The following TG variants were observed in gnomAD, a reference collection of about 807,000 sequenced individuals.
TG encodes thyroid hormones.
TG carries 270 observed loss-of-function variants against 324.7 expected under a neutral mutation model. That is an observed-to-expected ratio of 0.83 (90% CI 0.75 to 0.92). The LOEUF (loss-of-function observed/expected upper bound fraction) is 0.92. Among genes scored for constraint, TG ranks in the 40% least tolerant of loss-of-function variants. The pLI is 0.00. For missense variants in TG, 3,591 were observed against 3,456.4 expected, an observed-to-expected ratio of 1.04 and a Z score of -0.98; for synonymous variants, 1,401 against 1,327.0, an observed-to-expected ratio of 1.06 and a Z score of -1.21.
intron 35 of TG, among the ~76,000 whole-genome samples, chr8:132,989,699 G>T (rs767692507): frequency 6.6e-6 from 1 of 152,186 alleles, no homozygotes; most frequent in Admixed American, 6.5e-5. Flanking sequence ...GCCTTTGCCT[G>T]TGCCCGTGGG....
At chr8:133,024,723 C>T (rs1298273844) in intron 40 of TG, among the ~76,000 whole-genome samples, 5 of 152,118 alleles carry the variant, frequency 3.3e-5, no homozygotes, top group African/African-American at 1.2e-4. Flanking sequence ...ATCTATGTCC[C>T]TGCAAAGGAC....
intron 6 of TG, 92 bp downstream of exon 6, chr8:132,882,061 A>G: frequency 1.1e-6 from 1 of 931,560 alleles, no homozygotes; most frequent in Non-Finnish European, 1.7e-6. Context: ...GCACAGCTAG[A>G]GTGACTGCCT....
At chr8:133,093,945 C>T (rs932899152) in intron 41 of TG, among the ~76,000 whole-genome samples, 2 of 152,302 alleles carry the variant, frequency 1.3e-5, no homozygotes, top group African/African-American at 4.8e-5. Context: ...CCTCAATCCA[C>T]AGTGGTTGCT....
intron 35 of TG, chr8:133,003,063 T>C: frequency 9.4e-7 from 1 of 1,065,514 alleles, no homozygotes; most frequent in South Asian, 3.3e-5. Context: ...CTCTTTCCCT[T>C]TGTGTTTGTC....
intron 45 of TG, among the ~76,000 whole-genome samples, chr8:133,124,301 C>T (rs1206076314): frequency 3.3e-5 from 5 of 152,102 alleles, no homozygotes; most frequent in South Asian, 2.1e-4. Context: ...TCCTACATCC[C>T]GATGGTGTGG....
At chr8:133,132,943 G>A (rs1398271977) in intron 46 of TG, among the ~76,000 whole-genome samples, 5 of 152,208 alleles carry the variant, frequency 3.3e-5, no homozygotes, top group Admixed American at 1.3e-4. Context: ...TCTGGGAAAC[G>A]TCAGGTGGCT....
chr8:132,881,578 G>A (rs1030330085), intron 5 of TG, among the ~76,000 whole-genome samples: 2 of 152,144 alleles, frequency 1.3e-5, no homozygotes, highest in African/African-American at 4.8e-5. Flanking sequence ...TGAGACAAAC[G>A]CATGGGCATA....
chr8:132,923,369 C>G lies in TG; in HGVS notation c.4560C>G (p.Gly1520=). 1 of 1,614,034 alleles carries G rather than the reference C, an allele frequency of 6.2e-7. No homozygotes were observed. The highest frequency in any genetic ancestry group is 1.7e-4 in the Middle Eastern group (1 of 6,058). ...CVTDCQRNEA[G]LQCDQNGQYR... is the part of the protein sequence containing the mutation. ...CTGACTGTCAGAGGAACGAAGCAGG[C>G]CTGCAATGTGACCAGAATGGCCAGT... The change falls in exon 22 of 48, where the codon GGC becomes GGG. Residue 1520 remains glycine, a synonymous_variant. Transcript: ENST00000220616.
In TG at chr8:132,887,138, A is replaced by C; in HGVS notation, c.1766A>C (p.Glu589Ala). The C allele has an allele frequency of 1.2e-6, 2 of 1,614,224 alleles. No homozygotes were observed. The highest frequency in any genetic ancestry group is 1.7e-6 in the Non-Finnish European group (2 of 1,180,038). The change falls in exon 9 of 48, where the codon GAA becomes GCA. Residue 589 changes from glutamate (E) to alanine (A), a missense_variant. By Grantham distance (107) the Glu-to-Ala change is moderately radical (BLOSUM62 -1). Transcript: ENST00000220616. ...TTGCAACATGCTATCTCTGTGCCAG[A>C]AGATGTGGCAAGAGATTTAGGTGAT... ...LFLQHAISVP[E>A]DVARDLGDVM...
intron 20 of TG, among the ~76,000 whole-genome samples, chr8:132,918,697 C>G (rs776792844): frequency 3.9e-5 from 6 of 152,204 alleles, no homozygotes; most frequent in Non-Finnish European, 8.8e-5. Flanking sequence ...CCTCTGACAC[C>G]TCACTGCTTG....
At chr8:133,050,600 T>C (rs1840219697) in intron 41 of TG, 1 of 487,110 alleles carries the variant, frequency 2.1e-6, no homozygotes, top group East Asian at 3.4e-5. Flanking sequence ...TTAAGGAATT[T>C]AAATTTGATC....
At chr8:133,036,918 T>C (rs1837214047) in intron 41 of TG, 1 of 152,428 alleles carries the variant, frequency 6.6e-6, no homozygotes, top group Non-Finnish European at 1.5e-5. Flanking sequence ...CCCTGCCTTA[T>C]GCGGGAAGTC....
chr8:132,948,694 C>G, intron 26 of TG, 82 bp from the exon 27 acceptor site: 2 of 1,470,342 alleles, frequency 1.4e-6, no homozygotes, highest in South Asian at 1.1e-5. Context: ...TCTTTATTTG[C>G]AAATGCTCTC....
intron 41 of TG, among the ~76,000 whole-genome samples, chr8:133,064,908 G>A (rs746566851): frequency 6.6e-5 from 10 of 152,130 alleles, no homozygotes; most frequent in African/African-American, 9.7e-5. Context: ...ATCGTGCACC[G>A]AAGGGGAGAC....
intron 42 of TG, 144 bp downstream of exon 42, chr8:133,095,352 T>C: frequency 8.6e-7 from 1 of 1,160,078 alleles, no homozygotes; most frequent in Non-Finnish European, 1.3e-6. Context: ...TCACATTCCC[T>C]AGCCCCTAGA....
At chr8:132,908,045 C>A in intron 17 of TG, 141 bp from the exon 18 acceptor site, 2 of 970,272 alleles carry the variant, frequency 2.1e-6, no homozygotes, top group Non-Finnish European at 3.2e-6. Flanking sequence ...AGTACTTAGA[C>A]TCAGAATGAC....
chr8:133,092,824 C>A (rs1420164584), intron 41 of TG, among the ~76,000 whole-genome samples: 1 of 152,148 alleles, frequency 6.6e-6, no homozygotes, highest in East Asian at 1.9e-4. Flanking sequence ...GCGTAAACAC[C>A]AATTTTCCAC....
intron 35 of TG, among the ~76,000 whole-genome samples, chr8:133,008,687 C>T (rs1834231984): frequency 6.6e-6 from 1 of 152,200 alleles, no homozygotes; most frequent in South Asian, 2.1e-4. Flanking sequence ...CTAGCGCTAC[C>T]ACTTAATTAG....
At chr8:133,128,353 A>ACG (rs1851694201) in intron 45 of TG, among the ~76,000 whole-genome samples, 3 of 150,484 alleles carry the variant, frequency 2.0e-5, no homozygotes, top group African/African-American at 7.4e-5. Context: ...ACACACACAC[A>ACG]CACACACACA....
Sources: gnomAD v4.1 joint callset for allele counts (sites outside exome capture counted in the v4.1 genomes callset) on GRCh38, gnomAD v4.1.1 for gene constraint, MANE v1.5 for transcripts, NCBI Gene and HGNC (gene_info 2026-07-23, HGNC 2026-07-21) for gene names.